RGL1: variants seen among roughly 807,000 people sequenced by gnomAD.
RGL1 encodes the protein ral guanine nucleotide dissociation stimulator-like 1.
RGL1 carries 24 observed loss-of-function variants against 95.2 expected under a neutral mutation model. That is an observed-to-expected ratio of 0.25 (90% CI 0.18 to 0.35). The LOEUF is 0.35. Among genes scored for constraint, RGL1 ranks in the 10% least tolerant of loss-of-function variants. The probability of loss-of-function intolerance (pLI) is 1.00; values close to 1 mark genes in which losing one functional copy is unlikely to be tolerated. For missense variants in RGL1, 715 were observed against 936.3 expected, an observed-to-expected ratio of 0.76 and a Z score of 3.08; for synonymous variants, 329 against 344.9, an observed-to-expected ratio of 0.95 and a Z score of 0.51.
chr1:183,655,040 C>T (rs1305969728), intron 1 of RGL1, among the ~76,000 whole-genome samples: 1 of 152,166 alleles, frequency 6.6e-6, no homozygotes, highest in African/African-American at 2.4e-5. Context: ...CCAACAGACT[C>T]CTTTCTTCTC....
intron 2 of RGL1, among the ~76,000 whole-genome samples, chr1:183,813,617 C>T (rs1661874223): frequency 6.6e-6 from 1 of 152,156 alleles, no homozygotes; most frequent in Non-Finnish European, 1.5e-5. Context: ...ACTATGATTA[C>T]AGAGTTGTAT....
chr1:183,798,637 C>T (rs1660817317), intron 2 of RGL1, among the ~76,000 whole-genome samples: 1 of 151,844 alleles, frequency 6.6e-6, no homozygotes, highest in Admixed American at 6.6e-5. Context: ...TGTTATAGAC[C>T]TGTAGTAGAT....
intron 1 of RGL1, among the ~76,000 whole-genome samples, chr1:183,697,109 C>A (rs990249253): frequency 1.3e-5 from 2 of 152,198 alleles, no homozygotes; most frequent in African/African-American, 4.8e-5. Flanking sequence ...GTGCCTCTTT[C>A]CTGACTGCTG....
intron 2 of RGL1, among the ~76,000 whole-genome samples, chr1:183,756,371 G>A (rs1238189477): frequency 6.6e-6 from 1 of 152,166 alleles, no homozygotes; most frequent in Non-Finnish European, 1.5e-5. Flanking sequence ...GTGTTAGAGA[G>A]AATGTCCTAC....
At chr1:183,849,559 C>T (rs1450198966) in intron 3 of RGL1, among the ~76,000 whole-genome samples, 5 of 126,740 alleles carry the variant, frequency 3.9e-5, no homozygotes, top group Non-Finnish European at 6.2e-5. Flanking sequence ...GGCGTGATCT[C>T]GGCTCACTGC....
At chr1:183,780,297 C>T (rs1020156632) in intron 2 of RGL1, among the ~76,000 whole-genome samples, 2 of 152,142 alleles carry the variant, frequency 1.3e-5, no homozygotes, top group African/African-American at 4.8e-5. Flanking sequence ...ATTTTTGAAA[C>T]AGCTGTTTGG....
intron 8 of RGL1, among the ~76,000 whole-genome samples, chr1:183,891,008 G>A (rs1024277699): frequency 2.0e-5 from 3 of 152,066 alleles, no homozygotes; most frequent in African/African-American, 7.2e-5. Context: ...ATCTTATTTG[G>A]TTATCACTTT....
intron 2 of RGL1, among the ~76,000 whole-genome samples, chr1:183,768,952 G>A (rs1161686092): frequency 1.3e-5 from 2 of 152,054 alleles, no homozygotes; most frequent in African/African-American, 4.8e-5. Context: ...CACAATTTTT[G>A]GAAATATGTT....
At chr1:183,885,785 C>T (rs1667074061) in intron 7 of RGL1, among the ~76,000 whole-genome samples, 1 of 152,088 alleles carries the variant, frequency 6.6e-6, no homozygotes, top group African/African-American at 2.4e-5. Context: ...TTATCTCAGC[C>T]TGAGACAGTA....
At chr1:183,714,010 G>T (rs1275044951) in intron 1 of RGL1, among the ~76,000 whole-genome samples, 1 of 152,138 alleles carries the variant, frequency 6.6e-6, no homozygotes, top group African/African-American at 2.4e-5. Flanking sequence ...GGGATCATTT[G>T]CATGGATGTC....
At chr1:183,817,355 T>C (rs988455484) in intron 2 of RGL1, among the ~76,000 whole-genome samples, 66 of 152,360 alleles carry the variant, frequency 4.3e-4, no homozygotes, top group Admixed American at 6.5e-4. Context: ...AGCACAGTTT[T>C]AAAGATCTAT....
chr1:183,668,003 ATGTGTG>A (rs71130628), intron 1 of RGL1, among the ~76,000 whole-genome samples: 16 of 135,252 alleles, frequency 1.2e-4, no homozygotes, highest in African/African-American at 3.8e-4. Context: ...GCTTATATAT[ATGTGTG>A]TGTGTGTGTG....
upstream of RGL1, among the ~76,000 whole-genome samples, chr1:183,804,757 T>C (rs1661175884): frequency 1.3e-5 from 2 of 152,240 alleles, no homozygotes; most frequent in South Asian, 4.1e-4. Context: ...GTATTGCGGC[T>C]CTCACTGGGG....
At chr1:183,713,727 T>C (rs895494295) in intron 1 of RGL1, among the ~76,000 whole-genome samples, 3 of 152,180 alleles carry the variant, frequency 2.0e-5, no homozygotes, top group Non-Finnish European at 4.4e-5. Context: ...ATCTTGGACT[T>C]TCCAGCCTCT....
chr1:183,658,249 G>T (rs540769511), intron 1 of RGL1, among the ~76,000 whole-genome samples: 1 of 152,032 alleles, frequency 6.6e-6, no homozygotes, highest in Admixed American at 6.6e-5. Flanking sequence ...CCGAAGCAGG[G>T]CGAGGCATTG....
intron 2 of RGL1, among the ~76,000 whole-genome samples, chr1:183,833,039 G>A (rs1663370202): frequency 6.6e-6 from 1 of 152,088 alleles, no homozygotes; most frequent in African/African-American, 2.4e-5. Flanking sequence ...AACACCTATT[G>A]AATTTCATAA....
At chr1:183,811,315 G>A (rs1661699393) in intron 2 of RGL1, among the ~76,000 whole-genome samples, 1 of 152,236 alleles carries the variant, frequency 6.6e-6, no homozygotes, top group Admixed American at 6.5e-5. Flanking sequence ...CAATGCATGA[G>A]TTAAAAAGCA....
At chr1:183,895,461 G>A (rs150434492) in intron 9 of RGL1, among the ~76,000 whole-genome samples, 6 of 152,244 alleles carry the variant, frequency 3.9e-5, no homozygotes, top group African/African-American at 1.4e-4. Context: ...ATTGATGGAG[G>A]AAGAGGGAGA....
chr1:183,719,841 G>A (rs568000068), intron 1 of RGL1, among the ~76,000 whole-genome samples: 1 of 152,318 alleles, frequency 6.6e-6, no homozygotes, highest in South Asian at 2.1e-4. Flanking sequence ...TGGAGGCAGA[G>A]GTTGCAGTGA....
Sources: allele counts gnomAD v4.1 joint callset (sites outside exome capture counted in the v4.1 genomes callset), GRCh38; gene constraint gnomAD v4.1.1; transcripts MANE v1.5; gene names NCBI Gene and HGNC (gene_info 2026-07-23, HGNC 2026-07-21).